Variants in RAB3C observed in about 807,000 individuals in gnomAD.
RAB3C encodes the protein ras-related protein Rab-3C.
Under a neutral mutation model 26.4 loss-of-function variants are expected in RAB3C, and 17 were observed. The observed-to-expected ratio is 0.64, with a 90% CI of 0.44 to 0.97. The LOEUF (loss-of-function observed/expected upper bound fraction) is 0.97. RAB3C is among the 50% of genes least tolerant of loss of function. RAB3C has a pLI of 0.00. For synonymous variants in RAB3C, 91 were observed against 95.9 expected (o/e 0.95, Z 0.30); for missense variants, 242 against 281.9 (o/e 0.86, Z 1.01).
chr5:58,740,268 A>G (rs780725283), intron 3 of RAB3C, among the ~76,000 whole-genome samples: 6 of 152,200 alleles, frequency 3.9e-5, no homozygotes, highest in Admixed American at 3.3e-4. Context: ...CTGGGCCTGA[A>G]TGAGGCCCTT....
At chr5:58,740,423 A>G (rs80186338) in intron 3 of RAB3C, among the ~76,000 whole-genome samples, 3,132 of 152,256 alleles carry the variant, frequency 0.021, 132 homozygotes, top group East Asian at 0.17. Context: ...CTGTGTTGGG[A>G]GCTCAGCCAC....
At chr5:58,827,120 T>C (rs1197480700) in intron 4 of RAB3C, among the ~76,000 whole-genome samples, 3 of 118,220 alleles carry the variant, frequency 2.5e-5, no homozygotes, top group Admixed American at 8.3e-5. Flanking sequence ...TTAAACAATA[T>C]GAAGAGTCTG....
chr5:58,797,730 A>C (rs1208526162), intron 3 of RAB3C, among the ~76,000 whole-genome samples: 2 of 152,132 alleles, frequency 1.3e-5, no homozygotes, highest in African/African-American at 4.8e-5. Context: ...AGTATCATTT[A>C]GAGCTCCAAG....
chr5:58,807,183 G>T (rs1742961348), intron 3 of RAB3C, among the ~76,000 whole-genome samples: 1 of 152,108 alleles, frequency 6.6e-6, no homozygotes, highest in African/African-American at 2.4e-5. Context: ...GGGATGATTT[G>T]CTTTTTAAAG....
chr5:58,686,409 C>G (rs189874213), intron 2 of RAB3C, among the ~76,000 whole-genome samples: 266 of 152,170 alleles, frequency 1.7e-3, no homozygotes, highest in African/African-American at 6.0e-3. Flanking sequence ...AATTTATGAG[C>G]TAAGTCCCTG....
intron 1 of RAB3C, among the ~76,000 whole-genome samples, chr5:58,596,551 A>T (rs1455287868): frequency 2.4e-5 from 3 of 127,144 alleles, no homozygotes; most frequent in Non-Finnish European, 3.2e-5. Flanking sequence ...AATACTATAT[A>T]ATACATATAT....
intron 2 of RAB3C, among the ~76,000 whole-genome samples, chr5:58,717,831 C>G (rs1484904648): frequency 2.6e-5 from 4 of 152,068 alleles, no homozygotes; most frequent in Non-Finnish European, 2.9e-5. Context: ...ATCAAGTACT[C>G]TTGCACAAAA....
chr5:58,838,291 A>G (rs900372807), intron 4 of RAB3C, among the ~76,000 whole-genome samples: 1 of 151,928 alleles, frequency 6.6e-6, no homozygotes, highest in African/African-American at 2.4e-5. Context: ...GAGGCAGGAG[A>G]ATGGCATGAA....
chr5:58,640,124 T>C (rs1179581678), intron 2 of RAB3C, among the ~76,000 whole-genome samples: 1 of 152,178 alleles, frequency 6.6e-6, no homozygotes, highest in Non-Finnish European at 1.5e-5. Context: ...CTTGATTTCT[T>C]TCCCAGCCTC....
chr5:58,767,566 G>A (rs567879924), intron 3 of RAB3C, among the ~76,000 whole-genome samples: 95 of 152,254 alleles, frequency 6.2e-4, no homozygotes, highest in African/African-American at 1.9e-3. Flanking sequence ...GAGGTATTTG[G>A]GGTAAAAGAT....
chr5:58,670,004 A>G (rs911641228), intron 2 of RAB3C, among the ~76,000 whole-genome samples: 2 of 152,150 alleles, frequency 1.3e-5, no homozygotes, highest in African/African-American at 2.4e-5. Context: ...CATTTTCACC[A>G]TCTGCATGAA....
intron 2 of RAB3C, among the ~76,000 whole-genome samples, chr5:58,672,011 C>T (rs1405156391): frequency 6.6e-6 from 1 of 152,104 alleles, no homozygotes; most frequent in Non-Finnish European, 1.5e-5. Context: ...TTCATCTTTT[C>T]AGCTTGGCAT....
At chr5:58,596,837 T>A (rs920734524) in intron 1 of RAB3C, among the ~76,000 whole-genome samples, 11,576 of 88,216 alleles carry the variant, frequency 0.13, 1,112 homozygotes, top group South Asian at 0.27. Context: ...TATATAAATT[T>A]ATAATATATA....
At chr5:58,724,366 T>C (rs1333059109) in intron 2 of RAB3C, among the ~76,000 whole-genome samples, 4 of 151,840 alleles carry the variant, frequency 2.6e-5, no homozygotes, top group Non-Finnish European at 4.4e-5. Flanking sequence ...CAAATCTGGA[T>C]CTGTCTGACT....
chr5:58,641,906 G>A (rs1215514059), intron 2 of RAB3C, among the ~76,000 whole-genome samples: 6 of 152,072 alleles, frequency 3.9e-5, no homozygotes, highest in Non-Finnish European at 8.8e-5. Context: ...AAAATTTCTG[G>A]AATATGTCTG....
chr5:58,777,592 ATG>A (rs1289253956), intron 3 of RAB3C, among the ~76,000 whole-genome samples: 1 of 146,950 alleles, frequency 6.8e-6, no homozygotes, highest in Non-Finnish European at 1.5e-5. Context: ...AGGAAAGACC[ATG>A]TTTTTTTTTT....
intron 3 of RAB3C, among the ~76,000 whole-genome samples, chr5:58,814,105 A>G (rs1249504519): frequency 6.6e-6 from 1 of 152,182 alleles, no homozygotes; most frequent in Non-Finnish European, 1.5e-5. Context: ...AAGAGAAGGT[A>G]TCACTATATC....
chr5:58,685,453 A>G (rs1052012469), intron 2 of RAB3C, among the ~76,000 whole-genome samples: 4 of 152,152 alleles, frequency 2.6e-5, no homozygotes, highest in Non-Finnish European at 5.9e-5. Flanking sequence ...ATGTGATTAC[A>G]TTGAGCCCAC....
intron 1 of RAB3C, among the ~76,000 whole-genome samples, chr5:58,611,567 T>G (rs1718044250): frequency 6.6e-6 from 1 of 152,306 alleles, no homozygotes; most frequent in Non-Finnish European, 1.5e-5. Context: ...TACCTACTTT[T>G]TAATGGAGTT....
Sources: gnomAD v4.1 joint callset for allele counts (sites outside exome capture counted in the v4.1 genomes callset) on GRCh38, gnomAD v4.1.1 for gene constraint, MANE v1.5 for transcripts, NCBI Gene and HGNC (gene_info 2026-07-23, HGNC 2026-07-21) for gene names.